The following UBE2G1 variants were observed in gnomAD, a reference collection of about 807,000 sequenced individuals.
The protein encoded by UBE2G1 is ubiquitin-conjugating enzyme E2 G1.
UBE2G1 carries 5 observed loss-of-function variants against 22.7 expected under a neutral mutation model. That is an observed-to-expected ratio of 0.22 (90% CI 0.12 to 0.46). The LOEUF is 0.46. UBE2G1 is among the 20% of genes least tolerant of loss of function. The pLI is 0.99. For missense variants in UBE2G1, 88 were observed against 203.9 expected, an observed-to-expected ratio of 0.43 and a Z score of 3.46; for synonymous variants, 74 against 67.5, an observed-to-expected ratio of 1.10 and a Z score of -0.47.
At chr17:4,297,781 A>G (rs1969129172) in intron 2 of UBE2G1, among the ~76,000 whole-genome samples, 1 of 152,222 alleles carries the variant, frequency 6.6e-6, no homozygotes, top group Non-Finnish European at 1.5e-5. Context: ...GGTCCCTTCT[A>G]GTACATTGAC....
intron 2 of UBE2G1, among the ~76,000 whole-genome samples, chr17:4,300,028 T>C (rs1969156881): frequency 3.3e-5 from 5 of 151,746 alleles, no homozygotes. Flanking sequence ...GGTTTCACTA[T>C]GTTGGCCAGG....
At chr17:4,272,981 T>C (rs1284471287) in intron 5 of UBE2G1, among the ~76,000 whole-genome samples, 4 of 152,222 alleles carry the variant, frequency 2.6e-5, no homozygotes, top group Non-Finnish European at 5.9e-5. Context: ...CAACTTAAGA[T>C]TGCCACACTT....
chr17:4,356,276 T>C (rs978096522), intron 1 of UBE2G1, among the ~76,000 whole-genome samples: 125 of 151,656 alleles, frequency 8.2e-4, no homozygotes, highest in African/African-American at 2.8e-3. Context: ...GAGAATCGCT[T>C]GAACCCAGGA....
chr17:4,280,741 G>T (rs1233474734), intron 5 of UBE2G1, among the ~76,000 whole-genome samples: 1 of 151,648 alleles, frequency 6.6e-6, no homozygotes, highest in Non-Finnish European at 1.5e-5. Flanking sequence ...GGGTTCAAGC[G>T]ATTCTCCTGC....
chr17:4,342,766 G>A (rs1047917123), intron 1 of UBE2G1, among the ~76,000 whole-genome samples: 2 of 152,136 alleles, frequency 1.3e-5, no homozygotes, highest in African/African-American at 4.8e-5. Flanking sequence ...TCATTAAAAT[G>A]TAAATCAGGT....
intron 4 of UBE2G1, among the ~76,000 whole-genome samples, chr17:4,287,102 ATTTTTTT>A (rs60149939): frequency 4.4e-5 from 6 of 136,346 alleles, no homozygotes; most frequent in Non-Finnish European, 9.3e-5. Context: ...GTCAGCTCTG[ATTTTTTT>A]TTTTTTTTTT....
chr17:4,309,453 A>G (rs1969283247), intron 1 of UBE2G1, among the ~76,000 whole-genome samples: 1 of 152,242 alleles, frequency 6.6e-6, no homozygotes, highest in Non-Finnish European at 1.5e-5. Context: ...AATACTTTTT[A>G]AAGATATTGA....
At chr17:4,321,780 T>C (rs76345349) in intron 1 of UBE2G1, among the ~76,000 whole-genome samples, 2,750 of 152,176 alleles carry the variant, frequency 0.018, 41 homozygotes, top group Middle Eastern at 0.051. Flanking sequence ...CCCAGCCAAT[T>C]TGCCCAATGT....
chr17:4,289,514 T>C, intron 3 of UBE2G1, 106 bp from the exon 4 acceptor site: 4 of 1,238,884 alleles, frequency 3.2e-6, no homozygotes, highest in Non-Finnish European at 4.3e-6. Context: ...TTATCAAACA[T>C]GACACATACG....
chr17:4,334,616 G>C (rs1461932496), intron 1 of UBE2G1, among the ~76,000 whole-genome samples: 1 of 152,106 alleles, frequency 6.6e-6, no homozygotes, highest in African/African-American at 2.4e-5. Context: ...TCAGCTCACT[G>C]CAACTTCTGC....
intron 4 of UBE2G1, among the ~76,000 whole-genome samples, chr17:4,288,455 T>C (rs1383886018): frequency 2.0e-5 from 3 of 152,160 alleles, no homozygotes; most frequent in African/African-American, 7.2e-5. Context: ...CTCAATCTCC[T>C]GACCTCGTGA....
intron 1 of UBE2G1, among the ~76,000 whole-genome samples, chr17:4,326,480 T>C (rs1451568903): frequency 6.6e-6 from 1 of 152,200 alleles, no homozygotes; most frequent in Non-Finnish European, 1.5e-5. Context: ...CATGCATTGC[T>C]AATGGGAATG....
At chr17:4,301,930 A>C in intron 2 of UBE2G1, 1 of 483,944 alleles carries the variant, frequency 2.1e-6, no homozygotes, top group Non-Finnish European at 4.1e-6. Flanking sequence ...CTGGGGTCAC[A>C]CTTAAGATTG....
intron 1 of UBE2G1, among the ~76,000 whole-genome samples, chr17:4,310,085 A>G (rs1377280706): frequency 6.6e-6 from 1 of 152,240 alleles, no homozygotes; most frequent in Admixed American, 6.5e-5. Context: ...GTCTAGATGC[A>G]TGAATATTTA....
intron 1 of UBE2G1, among the ~76,000 whole-genome samples, chr17:4,360,822 A>T (rs538704990): frequency 5.9e-5 from 9 of 152,182 alleles, no homozygotes; most frequent in Non-Finnish European, 1.0e-4. Context: ...GAGGTAGGAG[A>T]ATCACTTGAA....
intron 2 of UBE2G1, among the ~76,000 whole-genome samples, chr17:4,300,923 A>G (rs1969169944): frequency 6.8e-6 from 1 of 147,932 alleles, no homozygotes; most frequent in African/African-American, 2.6e-5. Context: ...ACAGAGTCAG[A>G]CTCTGTTTTC....
intron 1 of UBE2G1, among the ~76,000 whole-genome samples, chr17:4,332,605 G>T (rs1174252158): frequency 6.6e-6 from 1 of 152,010 alleles, no homozygotes; most frequent in South Asian, 2.1e-4. Flanking sequence ...TCAGCTAACC[G>T]CTCTGCCACC....
At position 4,277,378 on chromosome 17, in the gene UBE2G1, A is replaced by C. The variant is rs554987947; in HGVS notation, c.*38-4862T>G. On this transcript the variant is annotated intron_variant, in intron 5 of 5. Transcript: ENST00000396981. Reference sequence around the variant, plus strand: ...TTTAGTAATTTGTTACGTAGCAATAAAGAACCAATACAGTCCCTCTAGCCT... The same window carrying C: ...TTTAGTAATTTGTTACGTAGCAATACAGAACCAATACAGTCCCTCTAGCCT... Among the ~76,000 whole-genome samples, 78 of 152,334 alleles carry C rather than the reference A, an allele frequency of 5.1e-4. 4 individuals are homozygous for C. The South Asian group carries it at 0.016, about 30-fold the overall frequency.
At chr17:4,318,899 A>G (rs1969405957) in intron 1 of UBE2G1, among the ~76,000 whole-genome samples, 1 of 152,228 alleles carries the variant, frequency 6.6e-6, no homozygotes, top group South Asian at 2.1e-4. Context: ...AAAACCAGAA[A>G]GACTTCAGAA....
Sources: gnomAD v4.1 joint callset for allele counts (sites outside exome capture counted in the v4.1 genomes callset) on GRCh38, gnomAD v4.1.1 for gene constraint, MANE v1.5 for transcripts, NCBI Gene and HGNC (gene_info 2026-07-23, HGNC 2026-07-21) for gene names.